Variants in RPIA observed in about 807,000 individuals in gnomAD.
The protein encoded by RPIA is ribose 5-phosphate isomerase A, also known as ribose-5-phosphate isomerase.
In RPIA, 29 loss-of-function variants were observed where a neutral mutation model predicts 37.8. The ratio of observed to expected loss-of-function variants is 0.77; its 90% CI spans 0.57 to 1.05. The LOEUF is 1.05. Ranked by LOEUF, RPIA falls within the 50% of genes least tolerant of loss-of-function variation. RPIA has a pLI of 0.00. For missense variants in RPIA, 385 were observed against 413.6 expected (o/e 0.93, Z 0.60); for synonymous variants, 167 against 157.0 (o/e 1.06, Z -0.48).
chr2:88,712,097 T>G (rs1245512321), intron 3 of RPIA, among the ~76,000 whole-genome samples: 1 of 152,200 alleles, frequency 6.6e-6, no homozygotes, highest in Non-Finnish European at 1.5e-5. Flanking sequence ...CTGAACTTGA[T>G]TTTCAGGTTT....
chr2:88,699,177 C>G (rs1672796818), intron 2 of RPIA, among the ~76,000 whole-genome samples: 1 of 152,198 alleles, frequency 6.6e-6, no homozygotes, highest in African/African-American at 2.4e-5. Context: ...ACTTTGTTAT[C>G]AAGGAGTGGT....
chr2:88,720,260 T>C (rs1170460485), intron 3 of RPIA, among the ~76,000 whole-genome samples: 1 of 151,312 alleles, frequency 6.6e-6, no homozygotes, highest in Non-Finnish European at 1.5e-5. Flanking sequence ...CAGTTTTTTT[T>C]CGTAAGCAAA....
At chr2:88,715,254 G>A (rs1417947575) in intron 3 of RPIA, among the ~76,000 whole-genome samples, 1 of 152,146 alleles carries the variant, frequency 6.6e-6, no homozygotes, top group Non-Finnish European at 1.5e-5. Flanking sequence ...GAAGTCAAGG[G>A]ACAGGAGAGG....
intron 8 of RPIA, among the ~76,000 whole-genome samples, chr2:88,745,103 G>C (rs943084057): frequency 1.3e-5 from 2 of 152,048 alleles, no homozygotes; most frequent in African/African-American, 4.8e-5. Context: ...GATTACAGGT[G>C]CCCGCCACCA....
intron 3 of RPIA, among the ~76,000 whole-genome samples, chr2:88,701,557 C>G (rs12328295): frequency 5.3e-5 from 1 of 18,830 alleles, no homozygotes; most frequent in East Asian, 0.031. Context: ...ACCTCCCACC[C>G]CTGACCTCCA....
At chr2:88,721,232 G>A (rs1015589604) in intron 3 of RPIA, among the ~76,000 whole-genome samples, 9 of 151,956 alleles carry the variant, frequency 5.9e-5, no homozygotes, top group Non-Finnish European at 1.2e-4. Flanking sequence ...AGGGGCTAGG[G>A]GAGGAATAGC....
intron 3 of RPIA, among the ~76,000 whole-genome samples, chr2:88,726,234 G>A (rs1673195887): frequency 6.6e-6 from 1 of 152,158 alleles, no homozygotes. Context: ...TGGTGGTTGT[G>A]GTGAGGAGGC....
In RPIA at chr2:88,750,492, G is replaced by T. The variant is rs1460419508; in HGVS notation, c.*414G>T. 1 of 429,890 alleles carries T rather than the reference G, an allele frequency of 2.3e-6. No homozygotes were observed. The highest frequency in any genetic ancestry group is 4.1e-6 in the Non-Finnish European group (1 of 244,504). 26.6% of individuals were successfully genotyped at this position (429,890 alleles called of 1,614,324 possible). ...TGGTAAAGTGAGGGGCCCACCAGCA[G>T]TGATCTCCTGATGCCTTACTGGAAA... is the stretch of plus-strand genomic sequence containing the variant. On this transcript the variant is annotated 3_prime_UTR_variant, in exon 9 of 9. Transcript: ENST00000283646.
intron 8 of RPIA, among the ~76,000 whole-genome samples, chr2:88,749,356 T>G (rs1479884572): frequency 1.3e-5 from 2 of 152,222 alleles, no homozygotes; most frequent in East Asian, 3.8e-4. Context: ...AGTGAATGAT[T>G]TTGAGCATCT....
chr2:88,736,006 CCT>C (rs144296834), intron 6 of RPIA, among the ~76,000 whole-genome samples: 3,259 of 152,232 alleles, frequency 0.021, 119 homozygotes, highest in African/African-American at 0.073. Flanking sequence ...AGCTTGTCAC[CCT>C]GTTAGCAGAG....
chr2:88,709,332 A>G (rs1374021036), intron 3 of RPIA, among the ~76,000 whole-genome samples: 1 of 152,206 alleles, frequency 6.6e-6, no homozygotes, highest in Non-Finnish European at 1.5e-5. Flanking sequence ...CATAACCAGT[A>G]TCTATTTATA....
At chr2:88,703,602 C>T (rs1672861633) in intron 3 of RPIA, among the ~76,000 whole-genome samples, 2 of 152,302 alleles carry the variant, frequency 1.3e-5, no homozygotes, top group Admixed American at 1.3e-4. Context: ...CTGCACACAG[C>T]TTGGGGACCC....
At chr2:88,702,697 T>A (rs909233166) in intron 3 of RPIA, among the ~76,000 whole-genome samples, 1 of 152,212 alleles carries the variant, frequency 6.6e-6, no homozygotes, top group Admixed American at 6.5e-5. Flanking sequence ...GGGGACAGAA[T>A]GCTGGCAGCC....
intron 3 of RPIA, among the ~76,000 whole-genome samples, chr2:88,721,538 ATAT>A (rs1673127867): frequency 3.1e-5 from 4 of 130,732 alleles, no homozygotes; most frequent in Non-Finnish European, 6.3e-5. Flanking sequence ...TTTTAGATAT[ATAT>A]TATACACACA....
rs367917981 is a variant in RPIA at position 88,729,327 on chromosome 2, G to A, written c.452G>A (p.Arg151Gln). The change falls in exon 4 of 9, where the codon CGA becomes CAA. Residue 151 changes from arginine (R) to glutamine (Q), a missense_variant. Around this residue, in one of 2 missense-constraint regions of RPIA, gnomAD observed 153 missense variants for 210.6 expected, o/e 0.73. Transcript: ENST00000283646. ...GGCTTGACCCTCAGTGATCTGGATC[G>A]ACACCCAGAGGTAAGATTGCCACTC... ...QYGLTLSDLD[R>Q]HPEIDLAIDG... The A allele has an allele frequency of 5.6e-6, 9 of 1,614,140 alleles. No individual in the cohort carries two copies. Among genetic ancestry groups the A allele is most frequent in the Middle Eastern group, 1.6e-4 (1 of 6,062 alleles).
intron 8 of RPIA, among the ~76,000 whole-genome samples, chr2:88,739,070 G>T (rs1008632049): frequency 2.6e-4 from 39 of 152,178 alleles, no homozygotes; most frequent in African/African-American, 9.4e-4. Context: ...TGAGTTATGA[G>T]GCTGGAGTCC....
intron 3 of RPIA, among the ~76,000 whole-genome samples, chr2:88,706,356 T>C (rs1672896982): frequency 6.6e-6 from 1 of 152,114 alleles, no homozygotes; most frequent in African/African-American, 2.4e-5. Context: ...ATATGCACCA[T>C]AGAATACTAT....
chr2:88,707,819 A>C (rs1478251945), intron 3 of RPIA, among the ~76,000 whole-genome samples: 1 of 152,224 alleles, frequency 6.6e-6, no homozygotes, highest in African/African-American at 2.4e-5. Flanking sequence ...ATCTATTTGT[A>C]AAGTGTTAAA....
intron 3 of RPIA, among the ~76,000 whole-genome samples, chr2:88,721,509 A>T (rs1224439802): frequency 1.4e-5 from 2 of 146,282 alleles, no homozygotes; most frequent in African/African-American, 5.0e-5. Flanking sequence ...ATATGTTAAT[A>T]TAAAACATAA....
Sources: gnomAD v4.1 joint callset for allele counts (sites outside exome capture counted in the v4.1 genomes callset) on GRCh38, gnomAD v4.1.1 for gene constraint, gnomAD v4.1.1 regional missense constraint, MANE v1.5 for transcripts, NCBI Gene and HGNC (gene_info 2026-07-23, HGNC 2026-07-21) for gene names.